The following ITGA6 variants were observed in gnomAD, a reference collection of about 807,000 sequenced individuals.
ITGA6 encodes the protein integrin alpha-6.
A neutral mutation model predicts 133.6 loss-of-function variants in ITGA6; 63 were observed. That is an observed-to-expected ratio of 0.47 (90% CI 0.38 to 0.58). The LOEUF (loss-of-function observed/expected upper bound fraction) is 0.58. ITGA6 is among the 20% of genes least tolerant of loss of function. ITGA6 has a pLI of 0.00. For synonymous variants in ITGA6, 434 were observed against 482.0 expected (o/e 0.90, Z 1.30); for missense variants, 1,068 against 1,309.4 (o/e 0.82, Z 2.85).
chr2:172,479,907 G>A, intron 10 of ITGA6, 83 bp from the exon 11 acceptor site: 2 of 1,063,098 alleles, frequency 1.9e-6, no homozygotes, highest in Non-Finnish European at 2.9e-6. Flanking sequence ...GGCATTGGGG[G>A]GATTGGAGAG....
intron 1 of ITGA6, chr2:172,465,018 T>C (rs1018880286): frequency 5.9e-6 from 1 of 170,006 alleles, no homozygotes; most frequent in African/African-American, 2.4e-5. Context: ...TTACTTACCA[T>C]TAGGTTCTCT....
At chr2:172,497,318 C>A (rs79474289) in intron 23 of ITGA6, among the ~76,000 whole-genome samples, 7,716 of 151,726 alleles carry the variant, frequency 0.051, 354 homozygotes, top group East Asian at 0.26. Flanking sequence ...ACAACATAGA[C>A]CCTGTCTCAA....
intron 3 of ITGA6, among the ~76,000 whole-genome samples, chr2:172,467,867 A>T (rs1369236378): frequency 6.6e-6 from 1 of 152,130 alleles, no homozygotes; most frequent in Non-Finnish European, 1.5e-5. Context: ...TGCGCCTGTA[A>T]TCCCAGCTAC....
intron 1 of ITGA6, chr2:172,464,165 C>G (rs529680666): frequency 6.6e-6 from 1 of 152,370 alleles, no homozygotes; most frequent in African/African-American, 2.4e-5. Context: ...CCTTCTCTGT[C>G]TGGGCATCAT....
chr2:172,477,441 TC>T (rs1437568617), intron 9 of ITGA6, among the ~76,000 whole-genome samples: 1 of 152,220 alleles, frequency 6.6e-6, no homozygotes, highest in African/African-American at 2.4e-5. Flanking sequence ...AGTACATTAT[TC>T]CCATCTTCCA....
chr2:172,442,433 T>C (rs1170003931), intron 1 of ITGA6, among the ~76,000 whole-genome samples: 1 of 152,192 alleles, frequency 6.6e-6, no homozygotes, highest in Non-Finnish European at 1.5e-5. Context: ...GAAAGGAGGA[T>C]AGACGAAGGG....
In ITGA6 at chr2:172,485,116, T is replaced by C; in HGVS notation, c.1711-5T>C. 3 of 1,614,038 alleles carry C rather than the reference T, an allele frequency of 1.9e-6. No homozygotes were observed. Among genetic ancestry groups the C allele is most frequent in the Non-Finnish European group, 1.7e-6 (2 of 1,179,862 alleles). ...CTTAACTCTGACTGCATGCTTTTCATGCAGGATAATATCAGAGATAAACTG... is the reference window on the plus strand; with the variant it reads ...CTTAACTCTGACTGCATGCTTTTCACGCAGGATAATATCAGAGATAAACTG... On this transcript the variant is annotated splice_polypyrimidine_tract_variant and splice_region_variant and intron_variant, in intron 12 of 25. Coordinates refer to ENST00000684293, the MANE Select transcript of ITGA6 (RefSeq NM_000210.4).
In ITGA6 at chr2:172,474,899, C is replaced by T; in HGVS notation, c.987-30C>T. The T allele has an allele frequency of 3.5e-6, 4 of 1,142,968 alleles. No homozygotes were observed. In the South Asian group the frequency reaches 4.9e-5, roughly 14 times the overall value. 70.8% of individuals were successfully genotyped at this position (1,142,968 alleles called of 1,614,324 possible). A position where few individuals can be genotyped will look rare whatever the true frequency, so the allele number is the denominator to read the frequency against. On this transcript the variant is annotated intron_variant, in intron 6 of 25. Coordinates refer to ENST00000684293, the MANE Select transcript of ITGA6 (RefSeq NM_000210.4). ...GTTGCTGGTATGTTAGCTGTTGGTT[C>T]ACGGCTCTTTCCCCTCATTATGTTT... is the stretch of plus-strand genomic sequence containing the variant.
intron 1 of ITGA6, among the ~76,000 whole-genome samples, chr2:172,446,520 A>G (rs1684774721): frequency 6.6e-6 from 1 of 152,226 alleles, no homozygotes. Context: ...CTAAGCATCT[A>G]CTATGTGCCG....
chr2:172,451,578 A>ATATC (rs2149017317), intron 1 of ITGA6, among the ~76,000 whole-genome samples: 1 of 152,284 alleles, frequency 6.6e-6, no homozygotes, highest in South Asian at 2.1e-4. Context: ...AGGCAATTGA[A>ATATC]TATCTGAGTA....
rs1362322499 is a variant in ITGA6, at chr2:172,427,844, G to C, written c.56G>C (p.Arg19Pro). 6.2e-7 allele frequency: 1 copy of C among 1,605,880 alleles called. No homozygotes were observed. Among genetic ancestry groups the C allele is most frequent in the South Asian group, 1.1e-5 (1 of 90,046 alleles). Residue 19 changes from arginine to proline, a missense_variant, in exon 1 of 26, where the codon CGG becomes CCG. By Grantham distance (103) the Arg-to-Pro change is moderately radical (BLOSUM62 -2). Transcript: ENST00000684293. ...LLYLSAGLLS[R>P]LGAAFNLDTR... ...TACCTGTCGGCGGGGCTCCTGTCCC[G>C]GCTCGGCGCAGCCTTCAACTTGGAC...
chr2:172,504,436 C>A lies in ITGA6; in HGVS notation c.*368C>A. ...AGCCTAAGGCTCCTGTTTTGCACAG[C>A]CAAATTTAAAACTGTTGGAATGGAT... On this transcript the variant is annotated 3_prime_UTR_variant, in exon 26 of 26. Transcript: ENST00000684293. 1 of 439,658 alleles carries A rather than the reference C, an allele frequency of 2.3e-6. No individual in the cohort carries two copies. Among genetic ancestry groups the A allele is most frequent in the Non-Finnish European group, 4.1e-6 (1 of 245,782 alleles). The allele number at this position is 439,658 out of a possible 1,614,324, so 27.2% of individuals were successfully genotyped here.
At chr2:172,493,290 T>G (rs564147254) in intron 23 of ITGA6, among the ~76,000 whole-genome samples, 11 of 152,056 alleles carry the variant, frequency 7.2e-5, no homozygotes, top group Non-Finnish European at 1.3e-4. Flanking sequence ...TCCCGGTCTC[T>G]CCAGGACATA....
chr2:172,457,063 T>G (rs116532339), intron 1 of ITGA6, among the ~76,000 whole-genome samples: 8,118 of 151,816 alleles, frequency 0.053, 366 homozygotes, highest in East Asian at 0.25. Flanking sequence ...GGAGGTTGAG[T>G]TGGGGAGATC....
intron 1 of ITGA6, among the ~76,000 whole-genome samples, chr2:172,435,937 T>C (rs981338597): frequency 6.6e-6 from 1 of 151,906 alleles, no homozygotes; most frequent in Admixed American, 6.6e-5. Context: ...CCCCAAGAGT[T>C]TTCAAAAAAG....
chr2:172,491,026 G>T lies in ITGA6; in HGVS notation c.2682G>T (p.Glu894Asp), dbSNP rs1686899785. ...ATTTTGGATATAATTTTTTTCAGGAGTCTCACAACTCAAGAAAGAAACGGG... is the reference window on the plus strand; with the variant it reads ...ATTTTGGATATAATTTTTTTCAGGATTCTCACAACTCAAGAAAGAAACGGG... ...QKEINSLNLT[E>D]SHNSRKKREI... Residue 894 changes from glutamate to aspartate, a missense_variant and splice_region_variant, in exon 21 of 26, where the codon GAG (glutamate) becomes GAT (aspartate). By Grantham distance (45) the Glu-to-Asp change is conservative (BLOSUM62 2). Coordinates refer to ENST00000684293, the MANE Select transcript of ITGA6 (RefSeq NM_000210.4). This position sits in a 1 kb window ranked among gnomAD's most constrained non-coding sequence, Gnocchi z 4.4. 2 of 1,510,310 alleles carry T rather than the reference G, an allele frequency of 1.3e-6. No homozygotes were observed. Among genetic ancestry groups the T allele is most frequent in the East Asian group, 4.5e-5 (2 of 44,350 alleles). 93.6% of individuals were successfully genotyped at this position (1,510,310 alleles called of 1,614,324 possible).
In ITGA6 at chr2:172,467,526, C is replaced by T. The variant is rs752959932; in HGVS notation, c.353C>T (p.Thr118Ile). ...AAGGAAGATCAGTGGATGGGGGTCA[C>T]CGTCCAGAGCCAAGGTCCAGGGGGC... Reference protein sequence around the residue: ...ESKEDQWMGVTVQSQGPGGKV... With the variant: ...ESKEDQWMGVIVQSQGPGGKV... The change falls in exon 3 of 26, where the codon ACC (threonine) becomes ATC (isoleucine). Residue 118 changes from threonine to isoleucine, a missense_variant. Physicochemically the swap from Thr to Ile is moderately conservative, Grantham distance 89. Around this residue, in one of 3 missense-constraint regions of ITGA6, gnomAD observed 317 missense variants for 456.9 expected, o/e 0.69. Coordinates refer to ENST00000684293, the MANE Select transcript of ITGA6 (RefSeq NM_000210.4). 1.2e-6 allele frequency: 2 copies of T among 1,613,786 alleles called. No individual in the cohort carries two copies. The highest frequency in any genetic ancestry group is 1.7e-6 in the Non-Finnish European group (2 of 1,179,766).
Position 172,491,574 on chromosome 2 carries a change from G to A in ITGA6, c.2988+51G>A. 8.4e-7 allele frequency: 1 copy of A among 1,185,106 alleles called. No individual in the cohort carries two copies. Among genetic ancestry groups the A allele is most frequent in the Non-Finnish European group, 1.3e-6 (1 of 797,452 alleles). 73.4% of individuals were successfully genotyped at this position (1,185,106 alleles called of 1,614,324 possible). A position where few individuals can be genotyped will look rare whatever the true frequency, so the allele number is the denominator to read the frequency against. On this transcript the variant is annotated intron_variant, in intron 23 of 25. Transcript: ENST00000684293. This position sits in a 1 kb window ranked among gnomAD's most constrained non-coding sequence, Gnocchi z 4.4. ...GGTTCAGAACATGTCTCTTTTCCCT[G>A]TACCCCACACTCATGTCCTGAAGTC...
At chr2:172,485,312 G>C (rs1470722306) in intron 13 of ITGA6, 48 bp downstream of exon 13, 1 of 1,528,372 alleles carries the variant, frequency 6.5e-7, no homozygotes, top group East Asian at 2.2e-5. Context: ...TGCCATTTAT[G>C]ATGCTAAATC....
Sources: gnomAD v4.1 joint callset for allele counts (sites outside exome capture counted in the v4.1 genomes callset) on GRCh38, gnomAD v4.1.1 for gene constraint, gnomAD v4.1.1 regional missense constraint, Gnocchi (gnomAD v3.1) non-coding constraint, MANE v1.5 for transcripts, NCBI Gene and HGNC (gene_info 2026-07-23, HGNC 2026-07-21) for gene names.